ANKRD26: variants seen among roughly 807,000 people sequenced by gnomAD.
ANKRD26 encodes ankyrin repeat domain-containing protein 26.
In ANKRD26, 141 loss-of-function variants were observed where a neutral mutation model predicts 208.7. That is an observed-to-expected ratio of 0.68 (90% confidence interval 0.59 to 0.78). The LOEUF is 0.78. Ranked by LOEUF, ANKRD26 falls within the 30% of genes least tolerant of loss-of-function variation. The pLI is 0.00. For synonymous variants in ANKRD26, 636 were observed against 660.4 expected, an observed-to-expected ratio of 0.96 and a Z score of 0.57; for missense variants, 1,889 against 1,938.7, an observed-to-expected ratio of 0.97 and a Z score of 0.48.
At chr10:26,950,999 TTTTC>T in the ANKRD26 span, among the ~76,000 whole-genome samples, 1 of 107,862 alleles carries the variant, frequency 9.3e-6, no homozygotes, top group Non-Finnish European at 2.0e-5. Context: ...CCCTTTTCTT[TTTTC>T]TTTTCTTTTC....
At chr10:27,093,307 C>G in intron 3 of ANKRD26, 42 bp downstream of exon 3, 5 of 1,571,388 alleles carry the variant, frequency 3.2e-6, no homozygotes, top group Non-Finnish European at 4.4e-6. Context: ...TTGAAACAAA[C>G]GCATTTCAAA....
intron 5 of ANKRD26, among the ~76,000 whole-genome samples, chr10:26,976,629 G>C (rs900697158): frequency 3.9e-5 from 6 of 152,132 alleles, no homozygotes; most frequent in Non-Finnish European, 7.3e-5. Flanking sequence ...TGGAAGGGAG[G>C]GCGGTTTGTT....
At chr10:26,959,411 C>T in the ANKRD26 span, among the ~76,000 whole-genome samples, 1 of 151,972 alleles carries the variant, frequency 6.6e-6, no homozygotes, top group Non-Finnish European at 1.5e-5. Flanking sequence ...GCCATGTGAA[C>T]CCAGATTCAG....
chr10:27,006,536 G>GT (rs1200348679), intron 33 of ANKRD26, among the ~76,000 whole-genome samples: 4 of 152,184 alleles, frequency 2.6e-5, no homozygotes, highest in Non-Finnish European at 4.4e-5. Context: ...TGAGTCTGGG[G>GT]TCTTTGGGCC....
chr10:26,970,357 G>A (rs1490566707), downstream of ANKRD26, among the ~76,000 whole-genome samples: 1 of 152,160 alleles, frequency 6.6e-6, no homozygotes, highest in Non-Finnish European at 1.5e-5. Flanking sequence ...TCACCATAGT[G>A]AGTGTTTTCT....
chr10:27,063,567 C>T (rs1320551570), intron 12 of ANKRD26, among the ~76,000 whole-genome samples: 5 of 152,146 alleles, frequency 3.3e-5, no homozygotes, highest in Admixed American at 6.5e-5. Context: ...GTGATCTGCC[C>T]GCCTCGGCCT....
chr10:26,957,074 G>C, the ANKRD26 span, among the ~76,000 whole-genome samples: 2 of 152,214 alleles, frequency 1.3e-5, no homozygotes, highest in African/African-American at 2.4e-5. Context: ...CTTTTGGCAA[G>C]AGATTTTGGC....
At chr10:26,973,042 GC>G (rs1370327609), downstream of ANKRD26, among the ~76,000 whole-genome samples, 1 of 151,862 alleles carries the variant, frequency 6.6e-6, no homozygotes, top group African/African-American at 2.4e-5. Flanking sequence ...TTTAAATGTT[GC>G]CTGTGTGCTT....
chr10:27,051,139 G>C, intron 16 of ANKRD26: 1 of 1,290,188 alleles, frequency 7.8e-7, no homozygotes, highest in Non-Finnish European at 1.0e-6. Flanking sequence ...TTAAACCTTT[G>C]CATATCTTGC....
At chr10:26,962,215 A>G in the ANKRD26 span, among the ~76,000 whole-genome samples, 1 of 152,086 alleles carries the variant, frequency 6.6e-6, no homozygotes, top group Non-Finnish European at 1.5e-5. Flanking sequence ...GGATCTCTTG[A>G]GCCCAGGAGC....
intron 15 of ANKRD26, among the ~76,000 whole-genome samples, chr10:27,053,923 A>T (rs2054751446): frequency 6.6e-6 from 1 of 152,206 alleles, no homozygotes; most frequent in African/African-American, 2.4e-5. Flanking sequence ...ATGAATTCCA[A>T]AATTACTGCT....
chr10:27,036,636 T>C (rs995471643), intron 23 of ANKRD26, among the ~76,000 whole-genome samples: 9 of 152,120 alleles, frequency 5.9e-5, no homozygotes, highest in South Asian at 2.1e-4. Flanking sequence ...AAAATACTTA[T>C]CACTAAATTA....
downstream of ANKRD26, among the ~76,000 whole-genome samples, chr10:27,003,945 T>C (rs1315256464): frequency 6.6e-6 from 1 of 152,180 alleles, no homozygotes; most frequent in Non-Finnish European, 1.5e-5. Context: ...TCAAGGATAT[T>C]TTGGAGACAA....
intron 9 of ANKRD26, among the ~76,000 whole-genome samples, chr10:27,074,783 C>T (rs1224983836): frequency 6.6e-6 from 1 of 150,708 alleles, no homozygotes; most frequent in Non-Finnish European, 1.5e-5. Flanking sequence ...TCCAATCAGA[C>T]AAAAATAAAA....
At chr10:27,066,324 T>C (rs2055244816) in intron 11 of ANKRD26, 163 bp downstream of exon 11, 2 of 499,146 alleles carry the variant, frequency 4.0e-6, no homozygotes, top group Non-Finnish European at 3.5e-6. Flanking sequence ...GCAGCAGTAA[T>C]ATACTTAGCA....
chr10:27,029,861 C>G (rs1057158043), intron 25 of ANKRD26, among the ~76,000 whole-genome samples: 2 of 152,226 alleles, frequency 1.3e-5, no homozygotes, highest in African/African-American at 4.8e-5. Flanking sequence ...GAGGCCGTAT[C>G]CACACAGAAG....
chr10:27,020,755 T>C (rs2053459167), intron 29 of ANKRD26, among the ~76,000 whole-genome samples: 1 of 151,978 alleles, frequency 6.6e-6, no homozygotes, highest in African/African-American at 2.4e-5. Context: ...GCCTCCAGGG[T>C]TCAAGCAATT....
chr10:27,043,448 T>C lies in ANKRD26; in HGVS notation c.2139A>G (p.Glu713=), dbSNP rs1435308966. The C allele has an allele frequency of 6.2e-7, 1 of 1,613,940 alleles. No individual in the cohort carries two copies. The highest frequency in any genetic ancestry group is 1.3e-5 in the African/African-American group (1 of 74,920). The change falls in exon 20 of 34, where the codon GAA becomes GAG. Residue 713 remains glutamate (E), a synonymous_variant. Transcript: ENST00000376087. ...SSYKNFMLLI[E]QLGMECKDSV... is the part of the protein sequence containing the mutation. ...TACCTTTACACTCCATTCCAAGTTG[T>C]TCAATGAGCAACATAAAATTCTTGT...
At chr10:27,025,000 A>C (rs1460024223) in intron 27 of ANKRD26, among the ~76,000 whole-genome samples, 1 of 152,052 alleles carries the variant, frequency 6.6e-6, no homozygotes, top group Non-Finnish European at 1.5e-5. Flanking sequence ...AAGATGAGCT[A>C]TCTCTCATTC....
Sources: allele counts gnomAD v4.1 joint callset (sites outside exome capture counted in the v4.1 genomes callset), GRCh38; gene constraint gnomAD v4.1.1; transcripts MANE v1.5; gene names NCBI Gene and HGNC (gene_info 2026-07-23, HGNC 2026-07-21).